CSTF3: variants seen among roughly 807,000 people sequenced by gnomAD.
CSTF3 encodes CF-1 77 kDa subunit.
A neutral mutation model predicts 105.8 loss-of-function variants in CSTF3; 29 were observed. That is an observed-to-expected ratio of 0.27 (90% CI 0.20 to 0.37). CSTF3 has a LOEUF of 0.37. Among genes scored for constraint, CSTF3 ranks in the 10% least tolerant of loss-of-function variants. The pLI, the probability that CSTF3 is intolerant of heterozygous loss-of-function variation, is 1.00. For synonymous variants in CSTF3, 252 were observed against 281.9 expected (o/e 0.89, Z 1.06); for missense variants, 357 against 879.3 (o/e 0.41, Z 7.51).
At chr11:33,104,858 G>A (rs558277232) in intron 8 of CSTF3, among the ~76,000 whole-genome samples, 1 of 152,226 alleles carries the variant, frequency 6.6e-6, no homozygotes, top group African/African-American at 2.4e-5. Flanking sequence ...TGCCTGTGAG[G>A]GAACAATTTC....
At chr11:33,128,331 T>C (rs749921311) in intron 3 of CSTF3, among the ~76,000 whole-genome samples, 3 of 151,978 alleles carry the variant, frequency 2.0e-5, no homozygotes, top group Non-Finnish European at 4.4e-5. Context: ...AGTTTCTCAA[T>C]ACTCAAATAG....
intron 1 of CSTF3, among the ~76,000 whole-genome samples, chr11:33,143,973 G>C (rs1233125907): frequency 6.6e-6 from 1 of 152,058 alleles, no homozygotes; most frequent in African/African-American, 2.4e-5. Context: ...CTGGGTGACA[G>C]AGACTACGTC....
rs551015961 is a variant in CSTF3 at position 33,085,178 on chromosome 11, T to C, written c.2063A>G (p.Asn688Ser). 1 of 1,614,180 alleles carries C rather than the reference T, an allele frequency of 6.2e-7. No homozygotes were observed. Among genetic ancestry groups the C allele is most frequent in the East Asian group, 2.2e-5 (1 of 44,886 alleles). ...TTCTTCATCTTCATCTGAATCCTCG[T>C]TGGGCCTTTTGACGGCCTTGGTGAG... ...AVLTKAVKRP[N>S]EDSDEDEEKG... Residue 688 changes from asparagine (N) to serine (S), a missense_variant, in exon 21 of 21, where the codon AAC (asparagine) becomes AGC (serine). This residue lies in a region of CSTF3 where 73 missense variants were observed against 105.8 expected (regional missense o/e 0.69). Coordinates refer to ENST00000323959, the MANE Select transcript of CSTF3 (RefSeq NM_001326.3).
intron 3 of CSTF3, among the ~76,000 whole-genome samples, chr11:33,125,412 G>A (rs1252548920): frequency 6.6e-6 from 1 of 152,190 alleles, no homozygotes; most frequent in Non-Finnish European, 1.5e-5. Context: ...GGAAGAAGGT[G>A]CATTCCTCCA....
intron 1 of CSTF3, among the ~76,000 whole-genome samples, chr11:33,159,301 A>T (rs1849906076): frequency 6.6e-6 from 1 of 152,046 alleles, no homozygotes; most frequent in Non-Finnish European, 1.5e-5. Context: ...CTACAAAAAA[A>T]ATACAAAAAT....
At chr11:33,136,715 T>C (rs960487294) in intron 3 of CSTF3, among the ~76,000 whole-genome samples, 2 of 151,956 alleles carry the variant, frequency 1.3e-5, no homozygotes, top group East Asian at 1.9e-4. Flanking sequence ...TGGAGGTTTC[T>C]AGCTCTGTGA....
At chr11:33,115,675 T>A (rs1855424189) in intron 3 of CSTF3, among the ~76,000 whole-genome samples, 1 of 152,236 alleles carries the variant, frequency 6.6e-6, no homozygotes, top group African/African-American at 2.4e-5. Context: ...ATTTTGGTTA[T>A]ATTTTGGGAG....
intron 3 of CSTF3, among the ~76,000 whole-genome samples, chr11:33,118,132 G>A (rs1408488638): frequency 6.6e-6 from 1 of 150,406 alleles, no homozygotes. Context: ...ATTTTGAACG[G>A]TAAGTTTCTC....
rs527963642 is a variant in CSTF3, at chr11:33,144,024, T to C, written c.28-2038A>G. On this transcript the variant is annotated intron_variant, in intron 1 of 20. Coordinates refer to ENST00000323959, the MANE Select transcript of CSTF3 (RefSeq NM_001326.3). ...AATTTATATGAAGTTTTGTTTTGCC[T>C]TTTTTCTAGGACATCCTGACATCTA... is the stretch of plus-strand genomic sequence containing the variant. Among the ~76,000 whole-genome samples, 20 of 152,286 alleles carry C rather than the reference T, an allele frequency of 1.3e-4. No homozygotes were observed. The South Asian group carries it at 1.4e-3, about 11-fold the overall frequency.
At chr11:33,095,819 CAAAT>C (rs61377553) in intron 15 of CSTF3, among the ~76,000 whole-genome samples, 3,357 of 146,094 alleles carry the variant, frequency 0.023, 142 homozygotes, top group African/African-American at 0.078. Flanking sequence ...GACTCTGTCT[CAAAT>C]AAATAAATAA....
At chr11:33,130,430 G>A (rs1195370719) in intron 3 of CSTF3, among the ~76,000 whole-genome samples, 6 of 152,098 alleles carry the variant, frequency 3.9e-5, no homozygotes, top group East Asian at 1.9e-4. Context: ...CCAAGATTGC[G>A]CCACTACACT....
intron 1 of CSTF3, among the ~76,000 whole-genome samples, chr11:33,157,019 C>A (rs1313407119): frequency 6.6e-6 from 1 of 151,552 alleles, no homozygotes; most frequent in Non-Finnish European, 1.5e-5. Flanking sequence ...TTAAATAGAC[C>A]TAAGAATGAG....
At chr11:33,131,447 T>A (rs1855597790) in intron 3 of CSTF3, among the ~76,000 whole-genome samples, 1 of 152,150 alleles carries the variant, frequency 6.6e-6, no homozygotes, top group African/African-American at 2.4e-5. Flanking sequence ...TAATAGCTAT[T>A]TCCACAATTA....
At position 33,086,855 on chromosome 11, in the gene CSTF3, T is replaced by A; in HGVS notation, c.1795+133A>T. 2.9e-6 allele frequency: 3 copies of A among 1,018,266 alleles called. No individual in the cohort carries two copies. In the Admixed American group the frequency reaches 6.4e-5, roughly 22 times the overall value. The allele number at this position is 1,018,266 out of a possible 1,614,324, so 63.1% of individuals were successfully genotyped here. Reference sequence around the variant, plus strand: ...ATCTAGTTCAAAGATTAAAGCTAAATCACTTGTCATAGTGATCCTAAGTCT... The same window carrying A: ...ATCTAGTTCAAAGATTAAAGCTAAAACACTTGTCATAGTGATCCTAAGTCT... On this transcript the variant is annotated intron_variant, in intron 18 of 20. Transcript: ENST00000323959.
At chr11:33,150,594 C>T (rs371025128) in intron 1 of CSTF3, among the ~76,000 whole-genome samples, 8 of 152,160 alleles carry the variant, frequency 5.3e-5, no homozygotes, top group African/African-American at 1.4e-4. Flanking sequence ...CAGTGGCTCA[C>T]GCCTATAATC....
At chr11:33,122,822 G>C (rs962234155) in intron 3 of CSTF3, among the ~76,000 whole-genome samples, 1 of 150,962 alleles carries the variant, frequency 6.6e-6, no homozygotes, top group Non-Finnish European at 1.5e-5. Context: ...GGGCTGAAGT[G>C]GGGGGATTGC....
At chr11:33,110,402 G>A (rs1317089850) in intron 3 of CSTF3, among the ~76,000 whole-genome samples, 1 of 152,174 alleles carries the variant, frequency 6.6e-6, no homozygotes, top group Non-Finnish European at 1.5e-5. Flanking sequence ...ATTTTCTATG[G>A]GTCAGCTTCT....
At chr11:33,094,492 TGAAA>T (rs578145335) in intron 15 of CSTF3, among the ~76,000 whole-genome samples, 7 of 152,172 alleles carry the variant, frequency 4.6e-5, no homozygotes, top group Non-Finnish European at 1.0e-4. Flanking sequence ...GATAGATGAA[TGAAA>T]GAATCATCTA....
intron 3 of CSTF3, among the ~76,000 whole-genome samples, chr11:33,133,314 G>A (rs1056237806): frequency 6.6e-6 from 1 of 152,142 alleles, no homozygotes; most frequent in East Asian, 1.9e-4. Flanking sequence ...GTTGTTAGAA[G>A]AGAATACAAT....
Sources: allele counts gnomAD v4.1 joint callset (sites outside exome capture counted in the v4.1 genomes callset), GRCh38; gene constraint gnomAD v4.1.1; regional missense constraint gnomAD v4.1.1; transcripts MANE v1.5; gene names NCBI Gene and HGNC (gene_info 2026-07-23, HGNC 2026-07-21).